COL4A6: variants seen among roughly 807,000 people sequenced by gnomAD.
The protein encoded by COL4A6 is collagen alpha-6(IV) chain.
Under a neutral mutation model 126.7 loss-of-function variants are expected in COL4A6, and 59 were observed. The observed-to-expected ratio is 0.47, with a 90% confidence interval of 0.38 to 0.58. The LOEUF is 0.58. Ranked by LOEUF, COL4A6 falls within the 20% of genes least tolerant of loss-of-function variation. The pLI is 0.00. For synonymous variants in COL4A6, 547 were observed against 496.6 expected (o/e 1.10, Z -1.35); for missense variants, 1,285 against 1,337.3 (o/e 0.96, Z 0.61).
intron 2 of COL4A6, among the ~76,000 whole-genome samples, chrX:108,424,657 T>C (rs1285200429): frequency 9.0e-6 from 1 of 111,674 alleles, no homozygotes; most frequent in Non-Finnish European, 1.9e-5. Flanking sequence ...ACTGTGGAAG[T>C]AACTGAAATT....
chrX:108,315,483 T>A (rs1380450661), intron 2 of COL4A6, among the ~76,000 whole-genome samples: 1 of 111,919 alleles, frequency 8.9e-6, no homozygotes, highest in African/African-American at 3.3e-5. Context: ...GAAGTGATCC[T>A]CCCACATCGG....
chrX:108,256,312 A>T (rs1485150056), intron 3 of COL4A6, among the ~76,000 whole-genome samples: 1 of 112,045 alleles, frequency 8.9e-6, no homozygotes, highest in African/African-American at 3.2e-5. Flanking sequence ...GGATTTGGTG[A>T]ATGATGGGCT....
chrX:108,255,861 G>A lies in COL4A6; in HGVS notation c.145-34487C>T, dbSNP rs111496828. 3.6e-5 allele frequency among the ~76,000 whole-genome samples: 4 copies of A among 111,485 alleles called. No individual in the cohort carries two copies. In the South Asian group the frequency reaches 1.1e-3, roughly 32 times the overall value. ...TGATCAAGGCTTCATAGAAAATTAAGTATCTTCAGCATTAGAGATACAGCT... is the reference window on the plus strand; with the variant it reads ...TGATCAAGGCTTCATAGAAAATTAAATATCTTCAGCATTAGAGATACAGCT... On this transcript the variant is annotated intron_variant, in intron 3 of 44. Transcript: ENST00000334504.
chrX:108,262,359 T>G (rs2037187294), intron 3 of COL4A6, among the ~76,000 whole-genome samples: 1 of 111,403 alleles, frequency 9.0e-6, no homozygotes, highest in Non-Finnish European at 1.9e-5. Context: ...AACCTCAGGC[T>G]GTATTTGTGA....
rs765344302 is a variant in COL4A6 at position 108,339,848 on chromosome X, C to T, written c.64-29020G>A. 3.6e-5 allele frequency among the ~76,000 whole-genome samples: 4 copies of T among 111,288 alleles called. No individual in the cohort carries two copies. In the East Asian group the frequency reaches 1.1e-3, roughly 32 times the overall value. ...AGTCTTGCTTTGGATCTGATTCTTG[C>T]TACGGCTTTTCTGTTCTTTAGTTAT... On this transcript the variant is annotated intron_variant, in intron 2 of 44. Transcript: ENST00000334504.
chrX:108,262,744 C>CT (rs1314131756), intron 3 of COL4A6, among the ~76,000 whole-genome samples: 1 of 110,972 alleles, frequency 9.0e-6, no homozygotes, highest in East Asian at 2.9e-4. Flanking sequence ...CCAGTAGGAC[C>CT]AATCACGGAT....
Position 108,210,004 on chromosome X carries a change from C to G in COL4A6, c.511G>C (p.Gly171Arg), listed in dbSNP as rs2035656072. The G allele has an allele frequency of 1.7e-6, 2 of 1,208,501 alleles. No individual in the cohort carries two copies. The highest frequency in any genetic ancestry group is 2.3e-4 in the Middle Eastern group (1 of 4,340). ...LAPGSFKGMK[G>R]DPGLPGLDGI... ...TCCAGTCCAGGCAGCCCAGGATCCC[C>G]CTGAGAAACAAAGGCAGGACACTGA... Residue 171 changes from glycine to arginine, a missense_variant and splice_region_variant, in exon 8 of 45, where the codon GGG becomes CGG. Gly to Arg is a moderately radical substitution (Grantham distance 125). Coordinates refer to ENST00000334504, the MANE Select transcript of COL4A6 (RefSeq NM_033641.4).
chrX:108,324,400 G>T (rs190510241), intron 2 of COL4A6, among the ~76,000 whole-genome samples: 1,285 of 111,950 alleles, frequency 0.011, 14 homozygotes, highest in Middle Eastern at 0.023. Context: ...ACTAAATGTT[G>T]CCCATAATGT....
At position 108,156,762 on chromosome X, in the gene COL4A6, A is replaced by C. The variant is rs1365012230; in HGVS notation, c.*238T>G. On this transcript the variant is annotated 3_prime_UTR_variant, in exon 45 of 45. Transcript: ENST00000334504. Reference sequence around the variant, plus strand: ...CATGAATAGTCACACAATCATCCAAATCAAACAGTAGCACCAGCTTGACAG... The same window carrying C: ...CATGAATAGTCACACAATCATCCAACTCAAACAGTAGCACCAGCTTGACAG... The C allele has an allele frequency of 7.2e-6, 3 of 413,845 alleles. No homozygotes were observed. Among genetic ancestry groups the C allele is most frequent in the African/African-American group, 2.5e-5 (1 of 40,266 alleles). 34.1% of individuals were successfully genotyped at this position (413,845 alleles called of 1,213,427 possible).
In COL4A6 at chrX:108,174,626, A is replaced by G. The variant is rs2034420425; in HGVS notation, c.2957-5T>C. 3 of 1,137,956 alleles carry G rather than the reference A, an allele frequency of 2.6e-6. No homozygotes were observed. The highest frequency in any genetic ancestry group is 1.2e-6 in the Non-Finnish European group (1 of 862,333). 93.8% of individuals were successfully genotyped at this position (1,137,956 alleles called of 1,213,427 possible). On this transcript the variant is annotated splice_region_variant and splice_polypyrimidine_tract_variant and intron_variant, in intron 30 of 44. Coordinates refer to ENST00000334504, the MANE Select transcript of COL4A6 (RefSeq NM_033641.4). ...GACCAGCCTCTCCTTTGTCACCTGT[A>G]AAAGAAATAAAAAGACTTGGAAAAA...
intron 2 of COL4A6, among the ~76,000 whole-genome samples, chrX:108,437,263 GAAATT>G (rs1452592241): frequency 1.8e-5 from 2 of 112,023 alleles, no homozygotes; most frequent in Admixed American, 1.9e-4. Flanking sequence ...AAAGTCTTCA[GAAATT>G]TCTTTACCTG....
chrX:108,398,675 G>A (rs1301624546), intron 2 of COL4A6, among the ~76,000 whole-genome samples: 1 of 111,201 alleles, frequency 9.0e-6, no homozygotes, highest in Non-Finnish European at 1.9e-5. Context: ...TACCAAAAAA[G>A]TAGGTTACAT....
intron 2 of COL4A6, among the ~76,000 whole-genome samples, chrX:108,361,029 C>T (rs2040074345): frequency 9.0e-6 from 1 of 111,142 alleles, no homozygotes; most frequent in Admixed American, 9.6e-5. Flanking sequence ...TCAGAGCTAT[C>T]ATGATGATAG....
intron 3 of COL4A6, among the ~76,000 whole-genome samples, chrX:108,232,021 C>T (rs1267646572): frequency 9.0e-6 from 1 of 111,311 alleles, no homozygotes; most frequent in Non-Finnish European, 1.9e-5. Flanking sequence ...CCAATGCTAG[C>T]ATATTAGTTT....
intron 13 of COL4A6, among the ~76,000 whole-genome samples, 181 bp downstream of exon 13, chrX:108,202,747 C>A (rs914436889): frequency 1.8e-5 from 2 of 111,773 alleles, no homozygotes; most frequent in African/African-American, 6.5e-5. Flanking sequence ...TCATGGAGAA[C>A]CATGCTTACG....
intron 2 of COL4A6, among the ~76,000 whole-genome samples, chrX:108,330,079 G>T (rs753177762): frequency 9.0e-6 from 1 of 111,387 alleles, no homozygotes; most frequent in African/African-American, 3.3e-5. Context: ...GAGCTTGGAA[G>T]ACAGATTTGG....
Position 108,228,048 on chromosome X carries a change from T to A in COL4A6, c.145-6674A>T, listed in dbSNP as rs181487496. ...GAGAAGTTGAAGGGCAGAAAGAGAA[T>A]GGGACTTACCCAAGTTCATACAACA... On this transcript the variant is annotated intron_variant, in intron 3 of 44. Coordinates refer to ENST00000334504, the MANE Select transcript of COL4A6 (RefSeq NM_033641.4). Among the ~76,000 whole-genome samples, 245 of 112,460 alleles carry A rather than the reference T, an allele frequency of 2.2e-3. 1 individual carries two copies. Among genetic ancestry groups the A allele is most frequent in the African/African-American group, 7.0e-3 (218 of 30,999 alleles).
intron 3 of COL4A6, among the ~76,000 whole-genome samples, chrX:108,298,181 G>T (rs776955633): frequency 9.0e-6 from 1 of 111,539 alleles, no homozygotes; most frequent in Non-Finnish European, 1.9e-5. Flanking sequence ...CTTTTGTTGG[G>T]GGGAATGAGG....
At chrX:108,404,486 T>C (rs555857620) in intron 2 of COL4A6, among the ~76,000 whole-genome samples, 2 of 111,893 alleles carry the variant, frequency 1.8e-5, no homozygotes, top group South Asian at 3.7e-4. Flanking sequence ...TGCGGAAGTT[T>C]TGATTTGTAG....
Sources: gnomAD v4.1 joint callset for allele counts (sites outside exome capture counted in the v4.1 genomes callset) on GRCh38, gnomAD v4.1.1 for gene constraint, MANE v1.5 for transcripts, NCBI Gene and HGNC (gene_info 2026-07-23, HGNC 2026-07-21) for gene names.